Variants in NALF1 observed in about 807,000 individuals in gnomAD.
NALF1 encodes family with sequence similarity 155 member A.
Under a neutral mutation model 48.4 loss-of-function variants are expected in NALF1, and 3 were observed. That is an observed-to-expected ratio of 0.06 (90% CI 0.03 to 0.16). NALF1 has a LOEUF of 0.16. Ranked by LOEUF, NALF1 falls within the 10% of genes least tolerant of loss-of-function variation. The pLI, the probability that NALF1 is intolerant of heterozygous loss-of-function variation, is 1.00. For synonymous variants in NALF1, 262 were observed against 245.7 expected, an observed-to-expected ratio of 1.07 and a Z score of -0.62; for missense variants, 526 against 571.5, an observed-to-expected ratio of 0.92 and a Z score of 0.81.
intron 1 of NALF1, among the ~76,000 whole-genome samples, chr13:107,472,231 A>T (rs1490024509): frequency 6.6e-6 from 1 of 152,184 alleles, no homozygotes; most frequent in African/African-American, 2.4e-5. Context: ...TGGGAGGCTG[A>T]GGCAGGAGAA....
intron 1 of NALF1, among the ~76,000 whole-genome samples, chr13:107,779,183 G>T (rs1442237393): frequency 6.6e-6 from 1 of 152,006 alleles, no homozygotes; most frequent in East Asian, 1.9e-4. Context: ...GCATTATGTT[G>T]ATCTAAATAA....
At chr13:107,485,399 T>C (rs1170840479) in intron 1 of NALF1, among the ~76,000 whole-genome samples, 2 of 152,174 alleles carry the variant, frequency 1.3e-5, no homozygotes, top group Non-Finnish European at 2.9e-5. Flanking sequence ...ACTTATGCAA[T>C]GACATCAGTC....
chr13:107,843,193 A>G (rs1594309292), intron 1 of NALF1, among the ~76,000 whole-genome samples: 1 of 152,204 alleles, frequency 6.6e-6, no homozygotes, highest in East Asian at 1.9e-4. Flanking sequence ...ATAGTATTCT[A>G]AGCGTTTTAT....
intron 1 of NALF1, among the ~76,000 whole-genome samples, chr13:107,211,957 A>G (rs1018732693): frequency 1.1e-4 from 16 of 152,188 alleles, no homozygotes; most frequent in African/African-American, 3.6e-4. Flanking sequence ...ACTATTAGGT[A>G]ATGGAAATGG....
At chr13:107,400,788 C>T (rs945850479) in intron 1 of NALF1, among the ~76,000 whole-genome samples, 1 of 152,132 alleles carries the variant, frequency 6.6e-6, no homozygotes. Flanking sequence ...GAAAACTTCA[C>T]TTGTGAATCT....
intron 1 of NALF1, among the ~76,000 whole-genome samples, chr13:107,445,789 C>G (rs915155263): frequency 6.6e-6 from 1 of 152,110 alleles, no homozygotes; most frequent in Non-Finnish European, 1.5e-5. Context: ...TGTTATCTGT[C>G]TCTCCACAGT....
intron 1 of NALF1, among the ~76,000 whole-genome samples, chr13:107,612,097 A>AGTGG (rs1594160240): frequency 8.1e-5 from 3 of 37,076 alleles, no homozygotes; most frequent in African/African-American, 1.2e-4. Flanking sequence ...GAGAGAGGGG[A>AGTGG]GGGGGAGGGA....
intron 1 of NALF1, among the ~76,000 whole-genome samples, chr13:107,274,030 G>T (rs919198204): frequency 1.4e-5 from 1 of 69,024 alleles, no homozygotes; most frequent in South Asian, 9.6e-4. Flanking sequence ...CCAGTGATCT[G>T]TTTTGATTTT....
At chr13:107,419,643 T>C (rs933504314) in intron 1 of NALF1, among the ~76,000 whole-genome samples, 1 of 152,142 alleles carries the variant, frequency 6.6e-6, no homozygotes, top group Non-Finnish European at 1.5e-5. Context: ...ATAAAATAAT[T>C]AAGTGGTGCT....
At chr13:107,251,322 A>T (rs2138844553) in intron 1 of NALF1, among the ~76,000 whole-genome samples, 1 of 152,370 alleles carries the variant, frequency 6.6e-6, no homozygotes, top group South Asian at 2.1e-4. Context: ...GAAAGTCCAC[A>T]AAAGTCACAT....
intron 1 of NALF1, among the ~76,000 whole-genome samples, chr13:107,457,097 G>A (rs1884836351): frequency 6.6e-6 from 1 of 152,184 alleles, no homozygotes; most frequent in South Asian, 2.1e-4. Flanking sequence ...TCATTGGAAA[G>A]AGTGTTTCTT....
chr13:107,458,413 G>A (rs549021937), intron 1 of NALF1, among the ~76,000 whole-genome samples: 8 of 152,198 alleles, frequency 5.3e-5, no homozygotes, highest in Admixed American at 2.0e-4. Flanking sequence ...GTGCCAATGC[G>A]CAGAGGCAGG....
At chr13:107,532,734 C>A (rs1451674506) in intron 1 of NALF1, among the ~76,000 whole-genome samples, 1 of 151,742 alleles carries the variant, frequency 6.6e-6, no homozygotes, top group Non-Finnish European at 1.5e-5. Flanking sequence ...ATGTGATTTG[C>A]CTGGGACATT....
chr13:107,465,400 CTCTT>C (rs1884985942), intron 1 of NALF1, among the ~76,000 whole-genome samples: 2 of 150,922 alleles, frequency 1.3e-5, no homozygotes, highest in Non-Finnish European at 3.0e-5. Context: ...ATTTTTTTTA[CTCTT>C]TCTTTACCCT....
chr13:107,833,931 G>C (rs751020539), intron 1 of NALF1, among the ~76,000 whole-genome samples: 1 of 151,670 alleles, frequency 6.6e-6, no homozygotes, highest in Non-Finnish European at 1.5e-5. Flanking sequence ...GTAAAACTAT[G>C]GAAACTTTGA....
At chr13:107,252,327 G>A (rs1029412126) in intron 1 of NALF1, among the ~76,000 whole-genome samples, 2 of 152,062 alleles carry the variant, frequency 1.3e-5, no homozygotes, top group Non-Finnish European at 2.9e-5. Context: ...AACGTGGAGA[G>A]TTGCTTCTCC....
rs140759478 is a variant in NALF1, at chr13:107,282,120, C to G, written c.916-71365G>C. On this transcript the variant is annotated intron_variant, in intron 1 of 2. Transcript: ENST00000375915. The stretch of plus-strand genomic sequence containing the variant: ...AGGGGAGGAAGCAGCGAAGGACATA[C>G]GCTTTCTGAGTTGTAAACTTATGTG... Among the ~76,000 whole-genome samples the G allele has an allele frequency of 3.1e-3, 474 of 152,276 alleles. 3 individuals are homozygous for G. The Middle Eastern group carries it at 0.037, about 12-fold the overall frequency.
chr13:107,803,973 A>T (rs1033862059), intron 1 of NALF1, among the ~76,000 whole-genome samples: 5 of 152,180 alleles, frequency 3.3e-5, no homozygotes, highest in African/African-American at 9.6e-5. Flanking sequence ...CAGAAAATGT[A>T]GTTCCATTGA....
intron 1 of NALF1, among the ~76,000 whole-genome samples, chr13:107,331,971 T>C (rs1389483615): frequency 6.6e-6 from 1 of 152,178 alleles, no homozygotes; most frequent in African/African-American, 2.4e-5. Flanking sequence ...ATCCTATGTA[T>C]ACTGTCTATT....
Sources: allele counts gnomAD v4.1 joint callset (sites outside exome capture counted in the v4.1 genomes callset), GRCh38; gene constraint gnomAD v4.1.1; transcripts MANE v1.5; gene names NCBI Gene and HGNC (gene_info 2026-07-23, HGNC 2026-07-21).